The following RAP1GDS1 variants were observed in gnomAD, a reference collection of about 807,000 sequenced individuals.
The protein encoded by RAP1GDS1 is RAP1, GTP-GDP dissociation stimulator 1.
In RAP1GDS1, 35 loss-of-function variants were observed where a neutral mutation model predicts 71.1. The ratio of observed to expected loss-of-function variants is 0.49; its 90% confidence interval spans 0.38 to 0.65. The LOEUF (loss-of-function observed/expected upper bound fraction) is 0.65. Ranked by LOEUF, RAP1GDS1 falls within the 30% of genes least tolerant of loss-of-function variation. RAP1GDS1 has a pLI of 0.00. For missense variants in RAP1GDS1, 663 were observed against 706.1 expected (o/e 0.94, Z 0.69); for synonymous variants, 229 against 243.1 (o/e 0.94, Z 0.54).
At chr4:98,322,525 GCT>G (rs1732116595) in intron 2 of RAP1GDS1, among the ~76,000 whole-genome samples, 1 of 62,872 alleles carries the variant, frequency 1.6e-5, no homozygotes, top group South Asian at 6.3e-4. Flanking sequence ...TGGAAGTAAA[GCT>G]CTCCTCAGCA....
chr4:98,356,481 T>C (rs1737990260), intron 4 of RAP1GDS1, among the ~76,000 whole-genome samples: 2 of 152,212 alleles, frequency 1.3e-5, no homozygotes, highest in South Asian at 2.1e-4. Flanking sequence ...GTTTTGTGGA[T>C]ATTACTGCCT....
chr4:98,318,447 T>C (rs1001935136), intron 2 of RAP1GDS1, among the ~76,000 whole-genome samples: 1 of 152,206 alleles, frequency 6.6e-6, no homozygotes, highest in Non-Finnish European at 1.5e-5. Context: ...TAGAACAATA[T>C]ACTGTAATAA....
chr4:98,429,149 G>T (rs895843386), intron 12 of RAP1GDS1, among the ~76,000 whole-genome samples: 6 of 151,862 alleles, frequency 4.0e-5, no homozygotes. Flanking sequence ...TCCCAGCTAC[G>T]CTGGAGGCTT....
At position 98,363,478 on chromosome 4, in the gene RAP1GDS1, CAAAAAAA is replaced by C. The variant is rs34393905; in HGVS notation, c.361+10898_361+10904del. The stretch of plus-strand genomic sequence containing the variant: ...CCTAAATAACAGTGAGACCCTGTCT[CAAAAAAA>C]AAAAAAAAAAAAAAAAAAAAGTGTA... On this transcript the variant is annotated intron_variant, in intron 4 of 14. Transcript: ENST00000408927. 4.2e-4 allele frequency among the ~76,000 whole-genome samples: 16 copies of C among 37,728 alleles called. No individual in the cohort carries two copies. The South Asian group carries it at 4.9e-3, about 12-fold the overall frequency. 24.8% of individuals were successfully genotyped at this position (37,728 alleles called of 152,430 possible).
intron 7 of RAP1GDS1, among the ~76,000 whole-genome samples, chr4:98,414,991 A>G (rs28807415): frequency 0.14 from 21,194 of 151,914 alleles, 2,126 homozygotes; most frequent in African/African-American, 0.28. Flanking sequence ...GTGAATAGGA[A>G]TTCACTCATG....
chr4:98,282,393 G>T (rs1725247574), intron 1 of RAP1GDS1, among the ~76,000 whole-genome samples: 2 of 152,104 alleles, frequency 1.3e-5, no homozygotes, highest in Admixed American at 1.3e-4. Context: ...TAGTTTATTT[G>T]CGTAGAGGTG....
intron 6 of RAP1GDS1, among the ~76,000 whole-genome samples, chr4:98,393,763 G>A (rs963727077): frequency 6.6e-6 from 1 of 152,066 alleles, no homozygotes; most frequent in East Asian, 1.9e-4. Flanking sequence ...ATACACAATC[G>A]ATTTCAAACA....
intron 5 of RAP1GDS1, among the ~76,000 whole-genome samples, chr4:98,381,701 A>G (rs541950438): frequency 2.1e-4 from 32 of 151,628 alleles, no homozygotes; most frequent in Non-Finnish European, 4.0e-4. Flanking sequence ...TATAAGTAAA[A>G]TATTGAGTGA....
At chr4:98,431,019 C>T (rs1750321492) in intron 12 of RAP1GDS1, among the ~76,000 whole-genome samples, 1 of 152,174 alleles carries the variant, frequency 6.6e-6, no homozygotes, top group East Asian at 1.9e-4. Flanking sequence ...CTAGCTGAAT[C>T]TTCCAATTAT....
At chr4:98,375,152 C>T (rs1414550485) in intron 4 of RAP1GDS1, among the ~76,000 whole-genome samples, 1 of 152,050 alleles carries the variant, frequency 6.6e-6, no homozygotes, top group East Asian at 1.9e-4. Flanking sequence ...CTCTCTGAAA[C>T]CTGTAGGGGA....
At chr4:98,406,192 T>TA in intron 7 of RAP1GDS1, among the ~76,000 whole-genome samples, 1 of 151,968 alleles carries the variant, frequency 6.6e-6, no homozygotes, top group Non-Finnish European at 1.5e-5. Flanking sequence ...AGCATAAAAA[T>TA]ACAGTTTTAA....
intron 4 of RAP1GDS1, among the ~76,000 whole-genome samples, chr4:98,352,871 G>T (rs1302011441): frequency 6.6e-6 from 1 of 152,166 alleles, no homozygotes; most frequent in Non-Finnish European, 1.5e-5. Flanking sequence ...GGGGCTGTAA[G>T]TTTAGAAAAA....
At chr4:98,342,094 C>G (rs1205617504) in intron 2 of RAP1GDS1, among the ~76,000 whole-genome samples, 2 of 151,962 alleles carry the variant, frequency 1.3e-5, no homozygotes, top group Non-Finnish European at 2.9e-5. Context: ...GGATTGGGAC[C>G]CACAGTTTGA....
chr4:98,331,984 C>T (rs2110369756), intron 2 of RAP1GDS1, among the ~76,000 whole-genome samples: 1 of 152,240 alleles, frequency 6.6e-6, no homozygotes, highest in East Asian at 1.9e-4. Flanking sequence ...CCTTACAAAG[C>T]TCAGTTTCCC....
At chr4:98,387,748 T>C (rs1384545650) in intron 5 of RAP1GDS1, among the ~76,000 whole-genome samples, 2 of 152,194 alleles carry the variant, frequency 1.3e-5, no homozygotes, top group Non-Finnish European at 2.9e-5. Flanking sequence ...CTAAAGACTG[T>C]CTTTCACACA....
chr4:98,432,970 C>T (rs887642978), intron 12 of RAP1GDS1, among the ~76,000 whole-genome samples: 3 of 151,742 alleles, frequency 2.0e-5, no homozygotes, highest in Non-Finnish European at 4.4e-5. Flanking sequence ...TAACAAAAAC[C>T]TATGAGATAT....
intron 1 of RAP1GDS1, among the ~76,000 whole-genome samples, chr4:98,263,631 C>T (rs190200154): frequency 3.9e-5 from 6 of 152,266 alleles, no homozygotes; most frequent in Admixed American, 2.0e-4. Context: ...TCATGAGTCC[C>T]AGAAGATGAA....
At chr4:98,308,645 G>A (rs1398783851) in intron 2 of RAP1GDS1, among the ~76,000 whole-genome samples, 2 of 151,844 alleles carry the variant, frequency 1.3e-5, no homozygotes, top group Non-Finnish European at 2.9e-5. Flanking sequence ...TTCATAAGAA[G>A]GAAAATACAA....
intron 2 of RAP1GDS1, among the ~76,000 whole-genome samples, chr4:98,301,660 A>G (rs963640994): frequency 5.9e-5 from 9 of 152,178 alleles, no homozygotes. Context: ...CCAGGAGCCC[A>G]AGGGTAATAG....
Sources: allele counts gnomAD v4.1 joint callset (sites outside exome capture counted in the v4.1 genomes callset), GRCh38; gene constraint gnomAD v4.1.1; transcripts MANE v1.5; gene names NCBI Gene and HGNC (gene_info 2026-07-23, HGNC 2026-07-21).